The following PHC2 variants were observed in gnomAD, a reference collection of about 807,000 sequenced individuals.
PHC2 encodes polyhomeotic homolog 2, also known as polyhomeotic-like protein 2.
Under a neutral mutation model 87.4 loss-of-function variants are expected in PHC2, and 29 were observed. The ratio of observed to expected loss-of-function variants is 0.33; its 90% CI spans 0.25 to 0.45. The LOEUF is 0.45. Ranked by LOEUF, PHC2 falls within the 20% of genes least tolerant of loss-of-function variation. The pLI is 1.00. For synonymous variants in PHC2, 438 were observed against 461.7 expected, an observed-to-expected ratio of 0.95 and a Z score of 0.66; for missense variants, 857 against 1,136.7, an observed-to-expected ratio of 0.75 and a Z score of 3.54.
At chr1:33,376,669 G>A (rs894958051) in intron 1 of PHC2, among the ~76,000 whole-genome samples, 3 of 152,204 alleles carry the variant, frequency 2.0e-5, no homozygotes, top group African/African-American at 7.2e-5. Flanking sequence ...GGTGGCTCAT[G>A]CCTGTAATCC....
At chr1:33,381,631 C>G (rs1648497138) in intron 1 of PHC2, among the ~76,000 whole-genome samples, 1 of 151,280 alleles carries the variant, frequency 6.6e-6, no homozygotes, top group South Asian at 2.1e-4. Context: ...GACTCCAAAG[C>G]CAGAGCGCTT....
chr1:33,354,695 G>A, intron 8 of PHC2, 129 bp from the exon 9 acceptor site: 5 of 1,305,392 alleles, frequency 3.8e-6, no homozygotes, highest in East Asian at 2.4e-5. Context: ...TCAAATTGGG[G>A]AAGGCCCTCT....
chr1:33,422,983 T>C (rs1650488036), intron 1 of PHC2, among the ~76,000 whole-genome samples: 1 of 152,100 alleles, frequency 6.6e-6, no homozygotes, highest in Non-Finnish European at 1.5e-5. Flanking sequence ...AATTCTATAA[T>C]TCTTCGAGGT....
chr1:33,374,769 A>C (rs1166560207), intron 2 of PHC2, among the ~76,000 whole-genome samples: 2 of 152,202 alleles, frequency 1.3e-5, no homozygotes, highest in African/African-American at 4.8e-5. Flanking sequence ...ATGACCTTGA[A>C]CAAGTTATTA....
chr1:33,328,284 C>A (rs1392332768), intron 14 of PHC2, among the ~76,000 whole-genome samples: 3 of 152,178 alleles, frequency 2.0e-5, no homozygotes, highest in African/African-American at 7.2e-5. Flanking sequence ...TCCCTATCTT[C>A]ATGCCTCTGC....
At chr1:33,335,237 T>C (rs778237557) in intron 9 of PHC2, 39 of 985,334 alleles carry the variant, frequency 4.0e-5, no homozygotes, top group Non-Finnish European at 4.3e-5. Context: ...GCTGTCTCAT[T>C]GTCTTAGACG....
Position 33,347,114 on chromosome 1 carries a change from A to G in PHC2, c.1558+7287T>C, listed in dbSNP as rs1314017099. ...ACACAGGAAAAAGGATGTGGTCTGA[A>G]AAAGAGTGGATTCTGGGGCTGAGCC... On this transcript the variant is annotated intron_variant, in intron 9 of 14. Coordinates refer to ENST00000683057, the MANE Select transcript of PHC2 (RefSeq NM_001385109.1). 5 of 985,450 alleles carry G rather than the reference A, an allele frequency of 5.1e-6. No individual in the cohort carries two copies. The African/African-American group carries it at 8.7e-5, about 17-fold the overall frequency. 61.0% of individuals were successfully genotyped at this position (985,450 alleles called of 1,614,324 possible). A position where few individuals can be genotyped will look rare whatever the true frequency, so the allele number is the denominator to read the frequency against.
At chr1:33,351,145 C>T (rs1313667679) in intron 9 of PHC2, among the ~76,000 whole-genome samples, 1 of 152,210 alleles carries the variant, frequency 6.6e-6, no homozygotes, top group East Asian at 1.9e-4. Flanking sequence ...AACAACTCAT[C>T]TCTGCTGTTG....
intron 9 of PHC2, chr1:33,346,872 T>A: frequency 1.0e-6 from 1 of 985,402 alleles, no homozygotes; most frequent in South Asian, 4.7e-5. Context: ...AGCACACCAG[T>A]AGGGGTTCCT....
intron 1 of PHC2, among the ~76,000 whole-genome samples, chr1:33,402,988 TA>T (rs779884422): frequency 3.3e-5 from 5 of 151,850 alleles, no homozygotes; most frequent in Admixed American, 6.6e-5. Flanking sequence ...AAATTTTTTT[TA>T]TTTTTTTATT....
intron 1 of PHC2, among the ~76,000 whole-genome samples, chr1:33,387,100 T>A (rs1648802303): frequency 6.6e-6 from 1 of 152,226 alleles, no homozygotes; most frequent in African/African-American, 2.4e-5. Context: ...TATCTAGAAA[T>A]TTTTTACTGG....
chr1:33,402,146 A>T (rs1332026232), intron 1 of PHC2, among the ~76,000 whole-genome samples: 1 of 152,198 alleles, frequency 6.6e-6, no homozygotes, highest in African/African-American at 2.4e-5. Context: ...TGGGCATCAC[A>T]CTTGAATTGA....
intron 1 of PHC2, among the ~76,000 whole-genome samples, chr1:33,428,038 C>T (rs1042191409): frequency 1.6e-4 from 24 of 152,120 alleles, no homozygotes; most frequent in Admixed American, 1.6e-3. Flanking sequence ...TATAATACCA[C>T]GCATTAAGCA....
chr1:33,332,260 G>A lies in PHC2; in HGVS notation c.1891+15C>T, dbSNP rs371663090. ...ACGCTGGGAGGCCGAGAGATTCAGG[G>A]TCTGAGATGCCCACCTTGCAGATAG... On this transcript the variant is annotated intron_variant, in intron 11 of 14. Coordinates refer to ENST00000683057, the MANE Select transcript of PHC2 (RefSeq NM_001385109.1). The surrounding 1 kb of genome is among the most constrained non-coding windows in gnomAD (Gnocchi z 4.2). 3.5e-5 allele frequency: 56 copies of A among 1,613,884 alleles called. No homozygotes were observed. Among genetic ancestry groups the A allele is most frequent in the Non-Finnish European group, 4.4e-5 (52 of 1,179,882 alleles).
rs370078196 is a variant in PHC2 at position 33,370,695 on chromosome 1, C to T, written c.412-110G>A. 7.4e-4 allele frequency: 793 copies of T among 1,067,384 alleles called. 6 individuals carry two copies. In the South Asian group the frequency reaches 0.012, roughly 16 times the overall value. 66.1% of individuals were successfully genotyped at this position (1,067,384 alleles called of 1,614,324 possible). A position where few individuals can be genotyped will look rare whatever the true frequency, so the allele number is the denominator to read the frequency against. On this transcript the variant is annotated intron_variant, in intron 4 of 14. Coordinates refer to ENST00000683057, the MANE Select transcript of PHC2 (RefSeq NM_001385109.1). ...TTTTGCTCCTTGGTTTATTCAGCCT[C>T]CTTCAGGAACGTCTGTGGTCCTTGG...
rs969709943 is a variant in PHC2 at position 33,332,794 on chromosome 1, G to T, written c.1762-390C>A. 6.6e-6 allele frequency among the ~76,000 whole-genome samples: 1 copy of T among 152,100 alleles called. No homozygotes were observed. Among genetic ancestry groups the T allele is most frequent in the African/African-American group, 2.4e-5 (1 of 41,404 alleles). ...TCTGTGTGAGGCTGTACATACGAGA[G>T]AGAGACTCAGCACCCATTTTCTGAT... On this transcript the variant is annotated intron_variant, in intron 10 of 14. Coordinates refer to ENST00000683057, the MANE Select transcript of PHC2 (RefSeq NM_001385109.1). The surrounding 1 kb of genome is among the most constrained non-coding windows in gnomAD (Gnocchi z 4.2).
chr1:33,337,155 G>A (rs1382779932), intron 9 of PHC2, among the ~76,000 whole-genome samples: 3 of 152,212 alleles, frequency 2.0e-5, no homozygotes, highest in East Asian at 1.9e-4. Context: ...TCCCTGATGA[G>A]TCTAATGAAC....
At chr1:33,400,566 T>C (rs1341192312) in intron 1 of PHC2, among the ~76,000 whole-genome samples, 2 of 152,182 alleles carry the variant, frequency 1.3e-5, no homozygotes, top group Non-Finnish European at 2.9e-5. Context: ...GACCATATTA[T>C]AAATGAGGAA....
In PHC2 at chr1:33,390,640, T is replaced by G. The variant is rs910343784; in HGVS notation, c.-54-15047A>C. Reference sequence around the variant, plus strand: ...CTCTATTTTTAAGAAGTTAACAGTTTAAGAGGAAAAATAAGAAAAGCACAT... The same window carrying G: ...CTCTATTTTTAAGAAGTTAACAGTTGAAGAGGAAAAATAAGAAAAGCACAT... On this transcript the variant is annotated intron_variant, in intron 1 of 14. Transcript: ENST00000683057. Among the ~76,000 whole-genome samples, 4 of 152,096 alleles carry G rather than the reference T, an allele frequency of 2.6e-5. No individual in the cohort carries two copies. In the South Asian group the frequency reaches 6.2e-4, roughly 24 times the overall value.
Sources: gnomAD v4.1 joint callset for allele counts (sites outside exome capture counted in the v4.1 genomes callset) on GRCh38, gnomAD v4.1.1 for gene constraint, Gnocchi (gnomAD v3.1) non-coding constraint, MANE v1.5 for transcripts, NCBI Gene and HGNC (gene_info 2026-07-23, HGNC 2026-07-21) for gene names.